The following PXDNL variants were observed in gnomAD, a reference collection of about 807,000 sequenced individuals.
The protein encoded by PXDNL is peroxidasin like, also known as probable oxidoreductase PXDNL.
A neutral mutation model predicts 150.8 loss-of-function variants in PXDNL; 145 were observed. That is an observed-to-expected ratio of 0.96 (90% CI 0.84 to 1.10). The LOEUF is 1.10. Among genes scored for constraint, PXDNL ranks in the 50% least tolerant of loss-of-function variants. The pLI is 0.00. For synonymous variants in PXDNL, 757 were observed against 725.7 expected (o/e 1.04, Z -0.69); for missense variants, 2,087 against 1,873.9 (o/e 1.11, Z -2.10).
chr8:51,683,115 G>A (rs1815789618), intron 1 of PXDNL, among the ~76,000 whole-genome samples: 1 of 140,622 alleles, frequency 7.1e-6, no homozygotes, highest in African/African-American at 2.6e-5. Flanking sequence ...TACCAACAGT[G>A]TACAAGGGTT....
rs892118113 is a variant in PXDNL at position 51,408,843 on chromosome 8, A to C, written c.2781T>G (p.Pro927=). The C allele has an allele frequency of 6.3e-7, 1 of 1,575,784 alleles. No homozygotes were observed. Among genetic ancestry groups the C allele is most frequent in the African/African-American group, 1.4e-5 (1 of 73,578 alleles). The change falls in exon 17 of 23, where the codon CCT becomes CCG. Residue 927 remains proline (P), a synonymous_variant. Coordinates refer to ENST00000356297, the MANE Select transcript of PXDNL (RefSeq NM_144651.5). ...RGLLKTGFPW[P]PSGKPLLPFS... ...AGGGCAATAAGGGCTTTCCGGAGGG[A>C]GGCCAAGGAAAGCCTGTCTTCAGGA...
At chr8:51,542,495 T>TAA (rs34691012) in intron 4 of PXDNL, among the ~76,000 whole-genome samples, 6 of 136,636 alleles carry the variant, frequency 4.4e-5, no homozygotes, top group African/African-American at 7.9e-5. Context: ...AATGCCCTTA[T>TAA]AAAAAAAAAA....
chr8:51,507,445 C>A (rs570025712), intron 4 of PXDNL, among the ~76,000 whole-genome samples: 25 of 152,312 alleles, frequency 1.6e-4, no homozygotes, highest in Admixed American at 1.6e-3. Flanking sequence ...TGGTTGCCTG[C>A]AGAACTCTGC....
intron 1 of PXDNL, among the ~76,000 whole-genome samples, chr8:51,800,987 C>T (rs1283580107): frequency 5.9e-5 from 9 of 152,202 alleles, no homozygotes; most frequent in African/African-American, 2.2e-4. Flanking sequence ...CAAGGGAAGA[C>T]AACCAAAGGT....
chr8:51,675,217 C>T (rs1025453349), intron 1 of PXDNL, among the ~76,000 whole-genome samples: 5 of 152,090 alleles, frequency 3.3e-5, no homozygotes, highest in African/African-American at 9.7e-5. Context: ...GTTGCCAATG[C>T]GATAGTATTA....
chr8:51,754,249 G>A (rs1047399768), intron 1 of PXDNL, among the ~76,000 whole-genome samples: 1 of 152,152 alleles, frequency 6.6e-6, no homozygotes, highest in African/African-American at 2.4e-5. Flanking sequence ...AATGTAGATT[G>A]TCAGTGAAAA....
intron 1 of PXDNL, among the ~76,000 whole-genome samples, chr8:51,704,665 A>G (rs1816325016): frequency 6.6e-6 from 1 of 152,216 alleles, no homozygotes; most frequent in Non-Finnish European, 1.5e-5. Context: ...CTTTAATTTT[A>G]GCCAATGTGG....
chr8:51,664,382 A>G (rs1585658435), intron 1 of PXDNL, among the ~76,000 whole-genome samples: 3 of 152,302 alleles, frequency 2.0e-5, no homozygotes, highest in African/African-American at 7.2e-5. Context: ...AATTAACATA[A>G]TTCACAGTTT....
chr8:51,453,847 T>G, intron 9 of PXDNL, 62 bp from the exon 10 acceptor site: 5 of 1,554,068 alleles, frequency 3.2e-6, no homozygotes, highest in Non-Finnish European at 4.4e-6. Context: ...ATTTATTTAT[T>G]CTGCATTGTG....
chr8:51,352,425 T>A (rs2976984), intron 19 of PXDNL, among the ~76,000 whole-genome samples: 102,756 of 151,870 alleles, frequency 0.68, 36,546 homozygotes, highest in East Asian at 0.94. Context: ...TCAAATCACA[T>A]CTCTAATTGT....
rs771522359 is a variant in PXDNL, at chr8:51,408,316, C to T, written c.3308G>A (p.Gly1103Glu). The T allele has an allele frequency of 6.2e-7, 1 of 1,613,880 alleles. No homozygotes were observed. The highest frequency in any genetic ancestry group is 8.5e-7 in the Non-Finnish European group (1 of 1,179,898). Residue 1103 changes from glycine to glutamate, a missense_variant, in exon 17 of 23, where the codon GGG becomes GAG. By Grantham distance (98) the Gly-to-Glu change is moderately conservative. Coordinates refer to ENST00000356297, the MANE Select transcript of PXDNL (RefSeq NM_144651.5). Reference sequence around the variant, plus strand: ...CCATTTAGCAGCCACGCCAAACAGCCCCCGGAGAACCGGGTCTATCCCACC... The same window carrying T: ...CCATTTAGCAGCCACGCCAAACAGCTCCCGGAGAACCGGGTCTATCCCACC... ...KEGGIDPVLR[G>E]LFGVAAKWRA...
intron 12 of PXDNL, among the ~76,000 whole-genome samples, chr8:51,432,991 C>T (rs7827666): frequency 0.013 from 2,037 of 152,190 alleles, 41 homozygotes; most frequent in African/African-American, 0.047. Flanking sequence ...GTGGGGAACA[C>T]TTGAGCCCAG....
At chr8:51,497,370 A>T (rs1241540662) in intron 5 of PXDNL, among the ~76,000 whole-genome samples, 1 of 152,220 alleles carries the variant, frequency 6.6e-6, no homozygotes, top group African/African-American at 2.4e-5. Context: ...GGACATAGGC[A>T]TGGGCAAGGA....
chr8:51,685,246 G>A (rs796877993), intron 1 of PXDNL, among the ~76,000 whole-genome samples: 59 of 152,256 alleles, frequency 3.9e-4, no homozygotes, highest in African/African-American at 1.3e-3. Context: ...ATTATGCACA[G>A]TTTTTCACCT....
At chr8:51,511,103 G>C (rs531653371) in intron 4 of PXDNL, among the ~76,000 whole-genome samples, 1 of 152,290 alleles carries the variant, frequency 6.6e-6, no homozygotes, top group Non-Finnish European at 1.5e-5. Context: ...GGCTTTTACA[G>C]GGGCAGGATG....
At chr8:51,551,661 T>C (rs983854759) in intron 4 of PXDNL, among the ~76,000 whole-genome samples, 2 of 152,158 alleles carry the variant, frequency 1.3e-5, no homozygotes, top group Admixed American at 6.5e-5. Flanking sequence ...TCTCATCTAA[T>C]ACAAAAATCA....
In PXDNL at chr8:51,777,294, T is replaced by C. The variant is rs140771235; in HGVS notation, c.164+31887A>G. On this transcript the variant is annotated intron_variant, in intron 1 of 22. Coordinates refer to ENST00000356297, the MANE Select transcript of PXDNL (RefSeq NM_144651.5). ...CCCCAAAGTAGGAATAACATTATTA[T>C]CTACCTTATAAGATGGCTGCGATAA... Among the ~76,000 whole-genome samples, 204 of 152,320 alleles carry C rather than the reference T, an allele frequency of 1.3e-3. 1 individual carries two copies. The highest frequency in any genetic ancestry group is 4.7e-3 in the African/African-American group (195 of 41,566).
chr8:51,470,035 AT>A (rs1282588885), intron 8 of PXDNL, among the ~76,000 whole-genome samples: 2 of 151,980 alleles, frequency 1.3e-5, no homozygotes, highest in Non-Finnish European at 2.9e-5. Context: ...AGGCAATGTG[AT>A]TTTTTCACTT....
intron 6 of PXDNL, among the ~76,000 whole-genome samples, chr8:51,479,402 C>T (rs568179832): frequency 2.0e-5 from 3 of 152,270 alleles, no homozygotes; most frequent in African/African-American, 7.2e-5. Flanking sequence ...CACAATATTT[C>T]TCCCACCACC....
Sources: gnomAD v4.1 joint callset for allele counts (sites outside exome capture counted in the v4.1 genomes callset) on GRCh38, gnomAD v4.1.1 for gene constraint, MANE v1.5 for transcripts, NCBI Gene and HGNC (gene_info 2026-07-23, HGNC 2026-07-21) for gene names.